The following FANCA variants were observed in gnomAD, a reference collection of about 807,000 sequenced individuals.
The protein encoded by FANCA is FA complementation group A.
Under a neutral mutation model 194.3 loss-of-function variants are expected in FANCA, and 236 were observed. The ratio of observed to expected loss-of-function variants is 1.21; its 90% CI spans 1.09 to 1.35. FANCA has a LOEUF of 1.35. Ranked by LOEUF, FANCA falls within the 40% of genes most tolerant of loss-of-function variation. The pLI is 0.00. For synonymous variants in FANCA, 1,014 were observed against 715.8 expected, an observed-to-expected ratio of 1.42 and a Z score of -6.65; for missense variants, 2,628 against 1,813.9, an observed-to-expected ratio of 1.45 and a Z score of -8.15.
At chr16:89,778,627 TAAAAAAAAAAAAAAAAA>T (rs397693835) in intron 20 of FANCA, among the ~76,000 whole-genome samples, 157 bp downstream of exon 20, 4 of 29,934 alleles carry the variant, frequency 1.3e-4, no homozygotes, top group East Asian at 2.6e-3. Context: ...AGACTCCAAC[TAAAAAAAAAAAAAAAAA>T]AAAAAAAAAA....
rs186966074 is a variant in FANCA at position 89,747,950 on chromosome 16, T to C, written c.3348+709A>G. On this transcript the variant is annotated intron_variant, in intron 33 of 42. Transcript: ENST00000389301. ...TATTTGAGACAAGAGTTTCGCTCTG[T>C]CACCCAGGCTGGAGTGTAGTGGTGG... Among the ~76,000 whole-genome samples, 101 of 152,278 alleles carry C rather than the reference T, an allele frequency of 6.6e-4. 2 individuals carry two copies. Among genetic ancestry groups the C allele is most frequent in the Admixed American group, 4.0e-3 (61 of 15,290 alleles).
In FANCA at chr16:89,738,863, G is replaced by C; in HGVS notation, c.4260+19C>G. 1 of 1,614,244 alleles carries C rather than the reference G, an allele frequency of 6.2e-7. No homozygotes were observed. The highest frequency in any genetic ancestry group is 8.5e-7 in the Non-Finnish European group (1 of 1,180,044). Reference sequence around the variant, plus strand: ...TCTCATGTCCCCCACATGGCCCAAGGTGGGCATCTTGACGTTACCTCTGCC... The same window carrying C: ...TCTCATGTCCCCCACATGGCCCAAGCTGGGCATCTTGACGTTACCTCTGCC... On this transcript the variant is annotated intron_variant, in intron 42 of 42. Coordinates refer to ENST00000389301, the MANE Select transcript of FANCA (RefSeq NM_000135.4).
chr16:89,779,668 G>C (rs953696427), intron 18 of FANCA, among the ~76,000 whole-genome samples: 59 of 152,342 alleles, frequency 3.9e-4, no homozygotes, highest in African/African-American at 1.3e-3. Flanking sequence ...GTCTCTCTCT[G>C]AATAGACAGT....
chr16:89,814,347 G>GT (rs2041018445), intron 3 of FANCA, among the ~76,000 whole-genome samples, 173 bp downstream of exon 3: 1 of 152,132 alleles, frequency 6.6e-6, no homozygotes, highest in African/African-American at 2.4e-5. Context: ...ACACAGCATC[G>GT]TAAGAAGCCC....
At chr16:89,782,766 G>A (rs759081353) in intron 17 of FANCA, 93 bp downstream of exon 17, 6 of 1,147,118 alleles carry the variant, frequency 5.2e-6, no homozygotes, top group East Asian at 2.4e-5. Context: ...AGACTGGGAA[G>A]GCTGAAAAAC....
Position 89,815,959 on chromosome 16 carries a change from T to C in FANCA, c.107A>G (p.Asn36Ser), listed in dbSNP as rs1210459454. Residue 36 changes from asparagine to serine, a missense_variant, in exon 2 of 43, where the codon AAT becomes AGT. By Grantham distance (46) the Asn-to-Ser change is conservative (BLOSUM62 1). Coordinates refer to ENST00000389301, the MANE Select transcript of FANCA (RefSeq NM_000135.4). The stretch of plus-strand genomic sequence containing the variant: ...CTTTAATTTCTGTGCCCTTTCAGGA[T>C]TATATTTTTCCCTCTTGACCCTTCC... ...LAGRVKREKYNPERAQKLKES... is the reference protein window; with the variant it reads ...LAGRVKREKYSPERAQKLKES... The C allele has an allele frequency of 1.9e-6, 3 of 1,613,864 alleles. No homozygotes were observed. The highest frequency in any genetic ancestry group is 1.7e-5 in the Admixed American group (1 of 59,998).
intron 34 of FANCA, 57 bp downstream of exon 34, chr16:89,746,774 A>G: frequency 3.8e-6 from 6 of 1,589,044 alleles, no homozygotes; most frequent in Non-Finnish European, 5.2e-6. Flanking sequence ...AGCTGACAGG[A>G]GGATCCACCC....
At chr16:89,803,841 G>C (rs535036641) in intron 7 of FANCA, among the ~76,000 whole-genome samples, 2 of 152,166 alleles carry the variant, frequency 1.3e-5, no homozygotes, top group South Asian at 2.1e-4. Flanking sequence ...GGTTGGTCTT[G>C]AACTCCTGAC....
chr16:89,816,580 G>A lies in FANCA; in HGVS notation c.36C>T (p.Gly12=), dbSNP rs751361669. ...SDSWVPNSAS[G]QDPGGRRRAW... is the part of the protein sequence containing the mutation. ...CCCTCCGGCGGCCCCCTGGGTCCTG[G>A]CCCGAGGCGGAGTTCGGGACCCACG... Residue 12 remains glycine, a synonymous_variant, in exon 1 of 43, where the codon GGC becomes GGT. Coordinates refer to ENST00000389301, the MANE Select transcript of FANCA (RefSeq NM_000135.4). The A allele has an allele frequency of 5.2e-6, 8 of 1,525,044 alleles. No individual in the cohort carries two copies. The highest frequency in any genetic ancestry group is 4.8e-5 in the South Asian group (4 of 82,894). 94.5% of individuals were successfully genotyped at this position (1,525,044 alleles called of 1,614,324 possible). A position where few individuals can be genotyped will look rare whatever the true frequency, so the allele number is the denominator to read the frequency against.
intron 29 of FANCA, among the ~76,000 whole-genome samples, chr16:89,759,639 T>C (rs1031401022): frequency 6.6e-5 from 10 of 152,100 alleles, no homozygotes; most frequent in African/African-American, 2.2e-4. Flanking sequence ...TGCCCACCTG[T>C]GGTCCCAGCT....
intron 3 of FANCA, among the ~76,000 whole-genome samples, chr16:89,813,369 C>T (rs999792426): frequency 1.3e-5 from 2 of 149,536 alleles, no homozygotes; most frequent in Non-Finnish European, 1.5e-5. Flanking sequence ...GATTGCACCA[C>T]GGCTCTCCAG....
intron 8 of FANCA, among the ~76,000 whole-genome samples, chr16:89,802,620 G>C (rs2040495454): frequency 6.6e-6 from 1 of 151,428 alleles, no homozygotes; most frequent in Non-Finnish European, 1.5e-5. Flanking sequence ...AGCCAGGATG[G>C]TCTCGATCTC....
chr16:89,792,257 G>C (rs1167737482), intron 12 of FANCA, among the ~76,000 whole-genome samples, 189 bp from the exon 13 acceptor site: 2 of 152,144 alleles, frequency 1.3e-5, no homozygotes, highest in Non-Finnish European at 2.9e-5. Context: ...TGCTTGGAGA[G>C]AATTCTCCCT....
In FANCA at chr16:89,810,984, A is replaced by C; in HGVS notation, c.371T>G (p.Ile124Ser). The C allele has an allele frequency of 6.2e-7, 1 of 1,614,094 alleles. No individual in the cohort carries two copies. Among genetic ancestry groups the C allele is most frequent in the Non-Finnish European group, 8.5e-7 (1 of 1,180,030 alleles). Residue 124 changes from isoleucine to serine, a missense_variant, in exon 4 of 43, where the codon ATC (isoleucine) becomes AGC (serine). Ile to Ser is a moderately radical substitution (Grantham distance 142). Coordinates refer to ENST00000389301, the MANE Select transcript of FANCA (RefSeq NM_000135.4). The stretch of plus-strand genomic sequence containing the variant: ...ACTGGTCTCCGCTGGAGCCGTGCAG[A>C]TCTGTCCCACGCTAGAGGCAACCAT... ...AGMVASSVGQ[I>S]CTAPAETSHP...
rs1419709324 is a variant in FANCA, at chr16:89,770,282, A to G, written c.2223-23T>C. ...TGCCTGCAGAGACAGCCGTGAAACC[A>G]TCAGTACTAGCCATTCAGTCCTGCA... On this transcript the variant is annotated intron_variant, in intron 24 of 42. Transcript: ENST00000389301. 4 of 1,548,896 alleles carry G rather than the reference A, an allele frequency of 2.6e-6. No individual in the cohort carries two copies. In the East Asian group the frequency reaches 9.5e-5, roughly 37 times the overall value.
chr16:89,778,333 G>A (rs1037528507), intron 20 of FANCA: 5 of 358,294 alleles, frequency 1.4e-5, no homozygotes, highest in African/African-American at 6.9e-5. Flanking sequence ...GGGCGTGGTG[G>A]TGCATACCTA....
chr16:89,766,384 A>G (rs2143301409), intron 27 of FANCA, among the ~76,000 whole-genome samples: 1 of 152,248 alleles, frequency 6.6e-6, no homozygotes, highest in South Asian at 2.1e-4. Flanking sequence ...TTTACTTTTG[A>G]CATTCAGGGT....
At chr16:89,776,758 A>G (rs910355245) in intron 20 of FANCA, among the ~76,000 whole-genome samples, 1 of 151,936 alleles carries the variant, frequency 6.6e-6, no homozygotes, top group Non-Finnish European at 1.5e-5. Context: ...ATGAACCCAG[A>G]AGGTGGAGCT....
rs1232415717 is a variant in FANCA, at chr16:89,740,030, T to C, written c.3898A>G (p.Ile1300Val). The C allele has an allele frequency of 6.2e-7, 1 of 1,614,186 alleles. No individual in the cohort carries two copies. The highest frequency in any genetic ancestry group is 8.5e-7 in the Non-Finnish European group (1 of 1,180,022). ...AACTGAAAGAGTGCCAGCCAGGATATCTTCCTCTTCTCTAAACACTCGAGG... is the reference window on the plus strand; with the variant it reads ...AACTGAAAGAGTGCCAGCCAGGATACCTTCCTCTTCTCTAAACACTCGAGG... ...AILECLEKRKISWLALFQLTE... is the reference protein window; with the variant it reads ...AILECLEKRKVSWLALFQLTE... Residue 1300 changes from isoleucine (I) to valine (V), a missense_variant, in exon 39 of 43, where the codon ATA becomes GTA. Coordinates refer to ENST00000389301, the MANE Select transcript of FANCA (RefSeq NM_000135.4).
Sources: allele counts gnomAD v4.1 joint callset (sites outside exome capture counted in the v4.1 genomes callset), GRCh38; gene constraint gnomAD v4.1.1; transcripts MANE v1.5; gene names NCBI Gene and HGNC (gene_info 2026-07-23, HGNC 2026-07-21).